PNPLA1: variants seen among roughly 807,000 people sequenced by gnomAD.
PNPLA1 encodes patatin like domain 1, omega-hydroxyceramide transacylase, also known as omega-hydroxyceramide transacylase.
PNPLA1 carries 36 observed loss-of-function variants against 51.7 expected under a neutral mutation model. The ratio of observed to expected loss-of-function variants is 0.70; its 90% CI spans 0.53 to 0.92. PNPLA1 has a LOEUF of 0.92. PNPLA1 is among the 40% of genes least tolerant of loss of function. The probability of loss-of-function intolerance (pLI) is 0.00; values close to 1 mark genes in which losing one functional copy is unlikely to be tolerated. For synonymous variants in PNPLA1, 293 were observed against 280.1 expected (o/e 1.05, Z -0.46); for missense variants, 658 against 682.5 (o/e 0.96, Z 0.40).
chr6:36,313,087 A>C lies in PNPLA1; in HGVS notation c.*1201A>C, dbSNP rs6917957. On this transcript the variant is annotated 3_prime_UTR_variant, in exon 9 of 9. Transcript: ENST00000636260. ...TTGGTCAGGCAGCCCAGGCATTGAGATCTTTAGAGCTCCCCCGGGATTATG... is the reference window on the plus strand; with the variant it reads ...TTGGTCAGGCAGCCCAGGCATTGAGCTCTTTAGAGCTCCCCCGGGATTATG... 0.17 allele frequency among the ~76,000 whole-genome samples: 25,683 copies of C among 152,024 alleles called. 3,225 individuals carry two copies. The highest frequency in any genetic ancestry group is 0.43 in the East Asian group (2,238 of 5,166).
Position 36,294,581 on chromosome 6 carries a change from C to T in PNPLA1, c.714+182C>T, listed in dbSNP as rs9462170. ...AACTAGCTATGTGACCTTGAACAAG[C>T]GCCTCAAGCTCTCCCAGCTTCAACA... On this transcript the variant is annotated intron_variant, in intron 4 of 8. Coordinates refer to ENST00000636260, the MANE Select transcript of PNPLA1 (RefSeq NM_001374623.1). This position sits in a 1 kb window ranked among gnomAD's most constrained non-coding sequence, Gnocchi z 4.2. Among the ~76,000 whole-genome samples the T allele has an allele frequency of 0.93, 140,833 of 152,172 alleles. 65,233 individuals carry two copies. The highest frequency in any genetic ancestry group is 0.99 in the East Asian group (5,111 of 5,176).
intron 1 of PNPLA1, among the ~76,000 whole-genome samples, chr6:36,289,679 C>G (rs1770616563): frequency 6.6e-6 from 1 of 152,050 alleles, no homozygotes; most frequent in Non-Finnish European, 1.5e-5. Context: ...GAGATCAGTC[C>G]AAGCCCCAGG....
intron 3 of PNPLA1, among the ~76,000 whole-genome samples, chr6:36,293,891 C>T (rs1012920503): frequency 1.3e-5 from 2 of 152,126 alleles, no homozygotes; most frequent in Non-Finnish European, 2.9e-5. Flanking sequence ...GTATGGGTCC[C>T]CTGCACACAG....
intron 1 of PNPLA1, among the ~76,000 whole-genome samples, chr6:36,262,378 C>T (rs889417067): frequency 1.3e-5 from 2 of 152,192 alleles, no homozygotes; most frequent in Non-Finnish European, 2.9e-5. Flanking sequence ...ACCTCCTGCC[C>T]CATTTCTAAT....
chr6:36,273,729 A>T (rs1279713168), intron 1 of PNPLA1, among the ~76,000 whole-genome samples: 1 of 14,698 alleles, frequency 6.8e-5, no homozygotes, highest in East Asian at 2.7e-3. Context: ...ACCCCATCGC[A>T]AAAAAAAAAA....
At chr6:36,300,161 T>TTGGGTGTGTGTGTGTGTGTGTG (rs1770986037) in intron 5 of PNPLA1, among the ~76,000 whole-genome samples, 1 of 102,956 alleles carries the variant, frequency 9.7e-6, no homozygotes, top group African/African-American at 3.0e-5. Flanking sequence ...TTTCTTATTC[T>TTGGGTGTGTGTGTGTGTGTGTG]TGTGTGTGTG....
chr6:36,297,888 A>ACACACACACACC (rs60041749), intron 5 of PNPLA1, among the ~76,000 whole-genome samples: 47 of 150,664 alleles, frequency 3.1e-4, no homozygotes, highest in African/African-American at 1.1e-3. Flanking sequence ...ACACACACAC[A>ACACACACACACC]CCCTGTGAAA....
rs145856102 is a variant in PNPLA1 at position 36,302,169 on chromosome 6, A to G, written c.1084A>G (p.Thr362Ala). 1.3e-4 allele frequency: 207 copies of G among 1,613,780 alleles called. 1 individual carries two copies. In the African/African-American group the frequency reaches 2.7e-3, roughly 21 times the overall value. ...QPPAQPLASS[T>A]PLSLSGMPPV... Reference sequence around the variant, plus strand: ...ACCTGCACAGCCACTGGCCTCTTCAACTCCACTTTCTCTAAGTGGCATGCC... The same window carrying G: ...ACCTGCACAGCCACTGGCCTCTTCAGCTCCACTTTCTCTAAGTGGCATGCC... The change falls in exon 6 of 9, where the codon ACT becomes GCT. Residue 362 changes from threonine (T) to alanine (A), a missense_variant. Physicochemically the swap from Thr to Ala is moderately conservative, Grantham distance 58 (BLOSUM62 0). Coordinates refer to ENST00000636260, the MANE Select transcript of PNPLA1 (RefSeq NM_001374623.1).
intron 1 of PNPLA1, among the ~76,000 whole-genome samples, chr6:36,244,727 T>A (rs1769227344): frequency 6.6e-6 from 1 of 152,216 alleles, no homozygotes; most frequent in South Asian, 2.1e-4. Flanking sequence ...CGATACTTCT[T>A]TCTTCTATAA....
Position 36,278,525 on chromosome 6 carries a change from G to A in PNPLA1, c.205+7861G>A, listed in dbSNP as rs563040733. On this transcript the variant is annotated intron_variant, in intron 1 of 8. Transcript: ENST00000636260. ...GAGGCAGACCTCACTTAAGCCAATA[G>A]TTTCCAAACTGTGTTCCAGGGATCC... Among the ~76,000 whole-genome samples the A allele has an allele frequency of 3.9e-5, 6 of 152,332 alleles. No individual in the cohort carries two copies. The South Asian group carries it at 1.2e-3, about 32-fold the overall frequency.
chr6:36,287,937 C>T (rs996943556), intron 1 of PNPLA1, among the ~76,000 whole-genome samples: 1 of 152,206 alleles, frequency 6.6e-6, no homozygotes, highest in African/African-American at 2.4e-5. Context: ...TAGAGCATTG[C>T]TAATTTCCAG....
Position 36,302,019 on chromosome 6 carries a change from A to G in PNPLA1, c.934A>G (p.Lys312Glu), listed in dbSNP as rs199548644. ...ASLEGATQPH[K>E]EWVPKGDGRG... Reference sequence around the variant, plus strand: ...TCTGGAAGGAGCCACACAACCTCACAAGGAGTGGGTTCCCAAAGGGGATGG... The same window carrying G: ...TCTGGAAGGAGCCACACAACCTCACGAGGAGTGGGTTCCCAAAGGGGATGG... Residue 312 changes from lysine to glutamate, a missense_variant, in exon 6 of 9, where the codon AAG (lysine) becomes GAG (glutamate). Transcript: ENST00000636260. 4.2e-5 allele frequency: 67 copies of G among 1,614,142 alleles called. No individual in the cohort carries two copies. In the East Asian group the frequency reaches 1.4e-3, roughly 34 times the overall value.
chr6:36,299,426 C>T (rs956955863), intron 5 of PNPLA1, among the ~76,000 whole-genome samples: 2 of 151,594 alleles, frequency 1.3e-5, no homozygotes, highest in East Asian at 3.9e-4. Flanking sequence ...GCTCCACCTC[C>T]TGGGTTCACA....
At chr6:36,297,912 TAA>T (rs1380878300) in intron 5 of PNPLA1, among the ~76,000 whole-genome samples, 1 of 150,078 alleles carries the variant, frequency 6.7e-6, no homozygotes, top group Admixed American at 6.6e-5. Context: ...TCACCACAAT[TAA>T]GTTAGTGAAT....
At chr6:36,279,462 C>A (rs1325515432) in intron 1 of PNPLA1, among the ~76,000 whole-genome samples, 1 of 152,198 alleles carries the variant, frequency 6.6e-6, no homozygotes, top group African/African-American at 2.4e-5. Context: ...GGGAGTCAAG[C>A]CTTCCTCTTT....
At chr6:36,282,604 A>G (rs1770353803) in intron 1 of PNPLA1, among the ~76,000 whole-genome samples, 1 of 152,250 alleles carries the variant, frequency 6.6e-6, no homozygotes, top group Admixed American at 6.5e-5. Flanking sequence ...TGGTATCAGC[A>G]GGTGCTAACT....
chr6:36,282,192 AGAAG>A (rs372224931), intron 1 of PNPLA1, among the ~76,000 whole-genome samples: 567 of 34,318 alleles, frequency 0.017, 10 homozygotes, highest in South Asian at 0.079. Flanking sequence ...AAAGAAAGAA[AGAAG>A]GAAGGAAGGA....
chr6:36,291,695 G>A (rs1026424048), intron 2 of PNPLA1, 143 bp downstream of exon 2: 9 of 730,698 alleles, frequency 1.2e-5, no homozygotes, highest in South Asian at 3.5e-5. Flanking sequence ...CCAGAGTCTC[G>A]CTGTGCAAGG....
At chr6:36,253,501 C>G (rs1307143781) in intron 1 of PNPLA1, among the ~76,000 whole-genome samples, 1 of 152,006 alleles carries the variant, frequency 6.6e-6, no homozygotes, top group African/African-American at 2.4e-5. Context: ...TTTTTAAAGA[C>G]AGAGTCTTGC....
Sources: allele counts gnomAD v4.1 joint callset (sites outside exome capture counted in the v4.1 genomes callset), GRCh38; gene constraint gnomAD v4.1.1; non-coding constraint Gnocchi (gnomAD v3.1); transcripts MANE v1.5; gene names NCBI Gene and HGNC (gene_info 2026-07-23, HGNC 2026-07-21).